MTMR3: variants seen among roughly 807,000 people sequenced by gnomAD.
MTMR3 encodes the protein phosphatidylinositol-3,5-bisphosphate 3-phosphatase MTMR3.
MTMR3 carries 32 observed loss-of-function variants against 132.4 expected under a neutral mutation model. That is an observed-to-expected ratio of 0.24 (90% CI 0.18 to 0.32). MTMR3 has a LOEUF of 0.32. Among genes scored for constraint, MTMR3 ranks in the 10% least tolerant of loss-of-function variants. MTMR3 has a pLI of 1.00. For synonymous variants in MTMR3, 556 were observed against 550.3 expected (o/e 1.01, Z -0.14); for missense variants, 1,216 against 1,489.6 (o/e 0.82, Z 3.02).
At chr22:29,885,649 G>C (rs2064659423) in intron 1 of MTMR3, among the ~76,000 whole-genome samples, 1 of 152,182 alleles carries the variant, frequency 6.6e-6, no homozygotes, top group Admixed American at 6.5e-5. Context: ...ATCTGACTCA[G>C]ATTTCTAGTG....
chr22:29,964,664 G>A lies in MTMR3; in HGVS notation c.-84-6312G>A, dbSNP rs988355887. ...CTTTCACATACTTAGGCTTTTATCC[G>A]TACTGCCTCCATTCTAAATCAAGCC... is the stretch of plus-strand genomic sequence containing the variant. On this transcript the variant is annotated intron_variant, in intron 2 of 19. Coordinates refer to ENST00000401950, the MANE Select transcript of MTMR3 (RefSeq NM_021090.4). Among the ~76,000 whole-genome samples, 11 of 152,118 alleles carry A rather than the reference G, an allele frequency of 7.2e-5. No homozygotes were observed. In the South Asian group the frequency reaches 2.1e-3, roughly 29 times the overall value.
chr22:29,941,478 G>A (rs916681858), intron 1 of MTMR3, among the ~76,000 whole-genome samples: 5 of 151,914 alleles, frequency 3.3e-5, no homozygotes, highest in African/African-American at 1.2e-4. Context: ...ATAAGCAGTT[G>A]CCAAACTGTC....
At chr22:29,906,336 C>T (rs2065103028) in intron 1 of MTMR3, among the ~76,000 whole-genome samples, 1 of 144,016 alleles carries the variant, frequency 6.9e-6, no homozygotes, top group Non-Finnish European at 1.5e-5. Flanking sequence ...ATCTATCTGT[C>T]TATCTATCTA....
chr22:29,910,050 G>A (rs1459085776), intron 1 of MTMR3, among the ~76,000 whole-genome samples: 1 of 151,940 alleles, frequency 6.6e-6, no homozygotes, highest in Non-Finnish European at 1.5e-5. Flanking sequence ...CCCACTACTC[G>A]CTACTCGGGA....
chr22:29,967,947 A>G (rs77835703), intron 2 of MTMR3, among the ~76,000 whole-genome samples: 1 of 119,332 alleles, frequency 8.4e-6, no homozygotes, highest in South Asian at 3.0e-4. Context: ...GTGTGTGTGT[A>G]TTTTTTGTTT....
chr22:29,949,300 C>T (rs1431807343), intron 1 of MTMR3, among the ~76,000 whole-genome samples: 6 of 151,836 alleles, frequency 4.0e-5, no homozygotes, highest in Admixed American at 3.3e-4. Flanking sequence ...CCAGCCTGGC[C>T]AACATGGTGA....
chr22:29,996,497 G>A (rs1258121739), intron 7 of MTMR3: 1 of 152,160 alleles, frequency 6.6e-6, no homozygotes, highest in East Asian at 1.9e-4. Flanking sequence ...GTTTTATCCT[G>A]AGATAGAGGT....
intron 1 of MTMR3, among the ~76,000 whole-genome samples, chr22:29,893,700 G>T (rs770169739): frequency 3.6e-4 from 55 of 151,872 alleles, no homozygotes; most frequent in Admixed American, 6.6e-4. Context: ...AGAGACCCTG[G>T]ATGGCCATGA....
intron 1 of MTMR3, among the ~76,000 whole-genome samples, chr22:29,955,780 C>A (rs1430888748): frequency 1.3e-5 from 2 of 151,968 alleles, no homozygotes; most frequent in Non-Finnish European, 2.9e-5. Context: ...GAGATGGAAT[C>A]TCACACTGTC....
chr22:29,937,050 T>C lies in MTMR3; in HGVS notation c.-137-19986T>C, dbSNP rs553060463. Among the ~76,000 whole-genome samples, 10 of 152,286 alleles carry C rather than the reference T, an allele frequency of 6.6e-5. No homozygotes were observed. In the East Asian group the frequency reaches 1.4e-3, roughly 21 times the overall value. ...TTGTCAAGCACCCCCCTTCTACAGC[T>C]GACAAAACTAAGATACTTCTTAATA... On this transcript the variant is annotated intron_variant, in intron 1 of 19. Coordinates refer to ENST00000401950, the MANE Select transcript of MTMR3 (RefSeq NM_021090.4).
chr22:29,994,094 G>A (rs2067014805), intron 7 of MTMR3: 1 of 985,224 alleles, frequency 1.0e-6, no homozygotes, highest in African/African-American at 1.7e-5. Flanking sequence ...ATGCTGCAGA[G>A]TTCAATTCAG....
intron 1 of MTMR3, among the ~76,000 whole-genome samples, chr22:29,904,339 C>T (rs1015849347): frequency 6.6e-6 from 1 of 152,198 alleles, no homozygotes; most frequent in Non-Finnish European, 1.5e-5. Flanking sequence ...TCAGGACTTA[C>T]CTGAGGTTGC....
chr22:29,916,476 T>C lies in MTMR3; in HGVS notation c.-138+33117T>C, dbSNP rs6006302. ...GATTCTCAGTTTCTCCCTTTCTGGC[T>C]GGGGTCTGGAAACTGCCTCAAAATA... On this transcript the variant is annotated intron_variant, in intron 1 of 19. Coordinates refer to ENST00000401950, the MANE Select transcript of MTMR3 (RefSeq NM_021090.4). Among the ~76,000 whole-genome samples, 123 of 152,328 alleles carry C rather than the reference T, an allele frequency of 8.1e-4. 1 individual carries two copies. Among genetic ancestry groups the C allele is most frequent in the African/African-American group, 2.9e-3 (120 of 41,576 alleles).
intron 1 of MTMR3, among the ~76,000 whole-genome samples, chr22:29,907,306 G>T (rs2065122544): frequency 6.6e-6 from 1 of 151,890 alleles, no homozygotes; most frequent in African/African-American, 2.4e-5. Flanking sequence ...GGAGGCTGAG[G>T]CAGGAGAATG....
intron 19 of MTMR3, chr22:30,023,235 C>G: frequency 1.7e-6 from 1 of 579,258 alleles, no homozygotes; most frequent in South Asian, 2.0e-5. Flanking sequence ...ACCCTTTGCC[C>G]CAGCTAGGGT....
intron 1 of MTMR3, among the ~76,000 whole-genome samples, chr22:29,885,359 G>A (rs1389170397): frequency 1.3e-5 from 2 of 152,162 alleles, no homozygotes; most frequent in East Asian, 1.9e-4. Flanking sequence ...TGGAGAAGGG[G>A]AAGCATGAGA....
At chr22:29,988,789 G>A in intron 6 of MTMR3, 4 of 287,692 alleles carry the variant, frequency 1.4e-5, no homozygotes, top group South Asian at 7.6e-5. Flanking sequence ...TTTACAAAAG[G>A]GCAAAAATAA....
Position 29,957,020 on chromosome 22 carries a change from G to GT in MTMR3, c.-137-10dup, listed in dbSNP as rs1471573969. 1 of 152,184 alleles carries GT rather than the reference G, an allele frequency of 6.6e-6. No homozygotes were observed. Among genetic ancestry groups the GT allele is most frequent in the African/African-American group, 2.4e-5 (1 of 41,404 alleles). The allele number at this position is 152,184 out of a possible 1,614,324, so 9.4% of individuals were successfully genotyped here. On this transcript the variant is annotated splice_polypyrimidine_tract_variant and intron_variant, in intron 1 of 19. Coordinates refer to ENST00000401950, the MANE Select transcript of MTMR3 (RefSeq NM_021090.4). ...GGATATTTGTCATTATAAAATAACT[G>GT]TTTTTTCTTTTGCAGACTTCCTTGT...
At chr22:29,962,344 A>G (rs776977841) in intron 2 of MTMR3, among the ~76,000 whole-genome samples, 1 of 152,192 alleles carries the variant, frequency 6.6e-6, no homozygotes, top group Non-Finnish European at 1.5e-5. Flanking sequence ...AGCCATCACC[A>G]CAGTCCATTT....
Sources: allele counts gnomAD v4.1 joint callset (sites outside exome capture counted in the v4.1 genomes callset), GRCh38; gene constraint gnomAD v4.1.1; transcripts MANE v1.5; gene names NCBI Gene and HGNC (gene_info 2026-07-23, HGNC 2026-07-21).